The following FHAD1 variants were observed in gnomAD, a reference collection of about 807,000 sequenced individuals.
FHAD1 encodes forkhead-associated domain-containing protein 1.
Under a neutral mutation model 191.3 loss-of-function variants are expected in FHAD1, and 146 were observed. The ratio of observed to expected loss-of-function variants is 0.76; its 90% CI spans 0.67 to 0.88. The LOEUF (loss-of-function observed/expected upper bound fraction) is 0.88. Among genes scored for constraint, FHAD1 ranks in the 40% least tolerant of loss-of-function variants. The pLI is 0.00. For synonymous variants in FHAD1, 616 were observed against 672.3 expected, an observed-to-expected ratio of 0.92 and a Z score of 1.29; for missense variants, 1,635 against 1,785.8, an observed-to-expected ratio of 0.92 and a Z score of 1.52.
In FHAD1 at chr1:15,388,049, A is replaced by G; in HGVS notation, c.4189-2A>G. On this transcript the variant is annotated splice_acceptor_variant, in intron 31 of 33. Transcript: ENST00000688493. LOFTEE classifies it high-confidence loss of function. The stretch of plus-strand genomic sequence containing the variant: ...CTTGCTAACCTGATACTTTTCACTC[A>G]GGAAAGTGTAGAGGAGCACGAACTG... The G allele has an allele frequency of 7.8e-7, 1 of 1,288,668 alleles. No homozygotes were observed. Among genetic ancestry groups the G allele is most frequent in the Non-Finnish European group, 1.0e-6 (1 of 987,736 alleles). 79.8% of individuals were successfully genotyped at this position (1,288,668 alleles called of 1,614,324 possible).
chr1:15,394,924 C>T (rs1383460488), intron 33 of FHAD1, among the ~76,000 whole-genome samples: 2 of 152,056 alleles, frequency 1.3e-5, no homozygotes, highest in South Asian at 2.1e-4. Flanking sequence ...GAATTGTTTG[C>T]GAGAGAGATC....
chr1:15,340,326 A>G (rs1441383241), intron 15 of FHAD1, among the ~76,000 whole-genome samples: 1 of 152,218 alleles, frequency 6.6e-6, no homozygotes, highest in Non-Finnish European at 1.5e-5. Context: ...GCATTCAGCA[A>G]TTGCTATTTA....
At position 15,276,630 on chromosome 1, in the gene FHAD1, A is replaced by T. The variant is rs1412567728; in HGVS notation, c.300+4101A>T. On this transcript the variant is annotated intron_variant, in intron 3 of 33. Coordinates refer to ENST00000688493, the MANE Select transcript of FHAD1 (RefSeq NM_001391957.1). The surrounding 1 kb of genome is among the most constrained non-coding windows in gnomAD (Gnocchi z 4.7). The stretch of plus-strand genomic sequence containing the variant: ...AGCCTGGCCAACATAGTGAAACCCC[A>T]TGTCTACCCAAAACACAAAAAATTA... Among the ~76,000 whole-genome samples, 2 of 152,114 alleles carry T rather than the reference A, an allele frequency of 1.3e-5. No individual in the cohort carries two copies. The highest frequency in any genetic ancestry group is 4.8e-5 in the African/African-American group (2 of 41,404).
rs1202384780 is a variant in FHAD1 at position 15,276,506 on chromosome 1, A to T, written c.300+3977A>T. ...TTATATATCATAGCTTTTTTGCCAA[A>T]GTATAGCCTAGGGGCCGGGCGTGGT... On this transcript the variant is annotated intron_variant, in intron 3 of 33. Coordinates refer to ENST00000688493, the MANE Select transcript of FHAD1 (RefSeq NM_001391957.1). This position sits in a 1 kb window ranked among gnomAD's most constrained non-coding sequence, Gnocchi z 4.7. Among the ~76,000 whole-genome samples, 2 of 152,210 alleles carry T rather than the reference A, an allele frequency of 1.3e-5. No homozygotes were observed. Among genetic ancestry groups the T allele is most frequent in the African/African-American group, 4.8e-5 (2 of 41,462 alleles).
chr1:15,380,647 T>C (rs1700692465), intron 28 of FHAD1, 54 bp from the exon 29 acceptor site: 1 of 1,411,628 alleles, frequency 7.1e-7, no homozygotes, highest in Non-Finnish European at 9.8e-7. Context: ...CTTCCAGTCA[T>C]AGAAAGTCAT....
intron 32 of FHAD1, chr1:15,388,399 G>T (rs747976376): frequency 9.4e-7 from 1 of 1,069,508 alleles, no homozygotes; most frequent in East Asian, 9.4e-5. Context: ...ACAAGCACGC[G>T]TCCAGCCCCG....
At chr1:15,356,996 G>C (rs1455772649) in intron 20 of FHAD1, among the ~76,000 whole-genome samples, 1 of 152,134 alleles carries the variant, frequency 6.6e-6, no homozygotes, top group Non-Finnish European at 1.5e-5. Flanking sequence ...TCTCCCCTGG[G>C]GTGGTTTCTC....
chr1:15,383,875 G>A (rs1201312420), intron 31 of FHAD1: 1 of 448,382 alleles, frequency 2.2e-6, no homozygotes, highest in African/African-American at 2.0e-5. Context: ...AGGACAGCTG[G>A]GACCTGACCC....
chr1:15,276,382 A>T lies in FHAD1; in HGVS notation c.300+3853A>T, dbSNP rs908248243. Among the ~76,000 whole-genome samples the T allele has an allele frequency of 6.6e-6, 1 of 152,250 alleles. No individual in the cohort carries two copies. The highest frequency in any genetic ancestry group is 2.4e-5 in the African/African-American group (1 of 41,470). On this transcript the variant is annotated intron_variant, in intron 3 of 33. Transcript: ENST00000688493. The surrounding 1 kb of genome is among the most constrained non-coding windows in gnomAD (Gnocchi z 4.7). ...CAACTACCAGGTGGATGCCTTTGCA[A>T]ATAACTTACCCATGGAGTGACATAC...
At chr1:15,240,734 G>A (rs1269080118) in intron 1 of FHAD1, among the ~76,000 whole-genome samples, 9 of 151,768 alleles carry the variant, frequency 5.9e-5, no homozygotes, top group Non-Finnish European at 1.2e-4. Flanking sequence ...CGAGGAGGGT[G>A]GATCACAAGG....
At chr1:15,391,913 G>A (rs1357773293) in intron 33 of FHAD1, among the ~76,000 whole-genome samples, 1 of 152,218 alleles carries the variant, frequency 6.6e-6, no homozygotes, top group Non-Finnish European at 1.5e-5. Context: ...GGGGAGGCCT[G>A]TTGCTTACTC....
intron 2 of FHAD1, among the ~76,000 whole-genome samples, chr1:15,259,526 CTAAA>C: frequency 6.6e-6 from 1 of 152,286 alleles, no homozygotes; most frequent in East Asian, 1.9e-4. Context: ...ATCTAAAAAT[CTAAA>C]TATCTGAAAT....
In FHAD1 at chr1:15,251,948, C is replaced by T. The variant is rs556530783; in HGVS notation, c.93+71C>T. The T allele has an allele frequency of 6.3e-6, 8 of 1,273,746 alleles. No individual in the cohort carries two copies. The East Asian group carries it at 7.6e-5, about 12-fold the overall frequency. The allele number at this position is 1,273,746 out of a possible 1,614,324, so 78.9% of individuals were successfully genotyped here. A position where few individuals can be genotyped will look rare whatever the true frequency, so the allele number is the denominator to read the frequency against. On this transcript the variant is annotated intron_variant, in intron 2 of 33. Transcript: ENST00000688493. The stretch of plus-strand genomic sequence containing the variant: ...CTTCTCCCTCTCTAACAGTCCTTAG[C>T]GTTATGTGGACTCCAGTCTCTTGTA...
intron 21 of FHAD1, among the ~76,000 whole-genome samples, chr1:15,359,961 A>G (rs557620781): frequency 1.3e-5 from 2 of 151,740 alleles, no homozygotes; most frequent in African/African-American, 4.8e-5. Context: ...AGAAAAAAAA[A>G]AATTAGCTGA....
intron 6 of FHAD1, among the ~76,000 whole-genome samples, chr1:15,307,672 G>A (rs1019332822): frequency 5.9e-5 from 9 of 151,990 alleles, no homozygotes; most frequent in South Asian, 2.1e-4. Context: ...TTCTCTTGCC[G>A]CTGCCATGAT....
At position 15,277,230 on chromosome 1, in the gene FHAD1, A is replaced by G. The variant is rs115460264; in HGVS notation, c.300+4701A>G. On this transcript the variant is annotated intron_variant, in intron 3 of 33. Transcript: ENST00000688493. ...AGTCCTTCGACCCTCTTGCAACCTC[A>G]TGACATCCTGCCCAACATAAAGAGT... is the stretch of plus-strand genomic sequence containing the variant. Among the ~76,000 whole-genome samples, 390 of 152,260 alleles carry G rather than the reference A, an allele frequency of 2.6e-3. 1 individual carries two copies. The highest frequency in any genetic ancestry group is 4.7e-3 in the Non-Finnish European group (319 of 68,012).
intron 11 of FHAD1, 35 bp downstream of exon 11, chr1:15,324,594 C>T (rs1464677290): frequency 7.6e-6 from 11 of 1,442,606 alleles, no homozygotes; most frequent in Middle Eastern, 3.5e-4. Flanking sequence ...CATTGGCCCA[C>T]GCTCTCCAAT....
chr1:15,301,971 C>T (rs889397550), intron 6 of FHAD1, among the ~76,000 whole-genome samples: 3 of 152,196 alleles, frequency 2.0e-5, no homozygotes, highest in Admixed American at 6.5e-5. Context: ...ACTGAGATGG[C>T]GCCACTGCAC....
At chr1:15,333,961 T>C in intron 14 of FHAD1, among the ~76,000 whole-genome samples, 1 of 150,000 alleles carries the variant, frequency 6.7e-6, no homozygotes. Flanking sequence ...GCCTCCCAAG[T>C]AGCTGGGACT....
Sources: gnomAD v4.1 joint callset for allele counts (sites outside exome capture counted in the v4.1 genomes callset) on GRCh38, gnomAD v4.1.1 for gene constraint, Gnocchi (gnomAD v3.1) non-coding constraint, MANE v1.5 for transcripts, NCBI Gene and HGNC (gene_info 2026-07-23, HGNC 2026-07-21) for gene names.